ZEB2: variants seen among roughly 807,000 people sequenced by gnomAD.
The protein encoded by ZEB2 is zinc finger E-box binding homeobox 2, also known as zinc finger E-box-binding homeobox 2.
ZEB2 carries 6 observed loss-of-function variants against 99.9 expected under a neutral mutation model. That is an observed-to-expected ratio of 0.06 (90% CI 0.03 to 0.12). The LOEUF (loss-of-function observed/expected upper bound fraction) is 0.12, where lower values mean the gene tolerates loss of function less well. Ranked by LOEUF, ZEB2 falls within the 10% of genes least tolerant of loss-of-function variation. The pLI is 1.00. For missense variants in ZEB2, 969 were observed against 1,502.8 expected (o/e 0.64, Z 5.87); for synonymous variants, 517 against 542.5 (o/e 0.95, Z 0.65).
chr2:144,419,595 CAT>C (rs1170850947), intron 4 of ZEB2, among the ~76,000 whole-genome samples: 1 of 152,200 alleles, frequency 6.6e-6, no homozygotes, highest in Admixed American at 6.5e-5. Context: ...TAGGCAAACT[CAT>C]GTGTATAATG....
At chr2:144,512,398 T>C (rs1705055856) in intron 2 of ZEB2, 1 of 1,287,246 alleles carries the variant, frequency 7.8e-7, no homozygotes, top group Non-Finnish European at 1.0e-6. Flanking sequence ...CCTCCTTTCC[T>C]ACCTTCAGGG....
intron 2 of ZEB2, among the ~76,000 whole-genome samples, chr2:144,517,025 G>A (rs1217782500): frequency 6.7e-6 from 1 of 149,392 alleles, no homozygotes; most frequent in South Asian, 2.1e-4. Context: ...CTGGGGGCGC[G>A]GGGCCCCGGC....
Position 144,399,552 on chromosome 2 carries a change from A to G in ZEB2, c.1635T>C (p.Thr545=). ...EAKACLQSLT[T]DSRRQISNIK... is the part of the protein sequence containing the mutation. ...TATTACTGATCTGTCTCCTTGAGTC[A>G]GTAGTCAAGCTCTGGAGGCAAGCTT... is the stretch of plus-strand genomic sequence containing the variant. The change falls in exon 8 of 10, where the codon ACT becomes ACC. Residue 545 remains threonine (T), a synonymous_variant. Transcript: ENST00000627532. The surrounding 1 kb of genome is among the most constrained non-coding windows in gnomAD (Gnocchi z 5.6). 6.2e-7 allele frequency: 1 copy of G among 1,614,200 alleles called. No homozygotes were observed. Among genetic ancestry groups the G allele is most frequent in the Non-Finnish European group, 8.5e-7 (1 of 1,180,024 alleles).
chr2:144,474,605 C>T (rs991564293), intron 2 of ZEB2, among the ~76,000 whole-genome samples: 6 of 152,114 alleles, frequency 3.9e-5, no homozygotes, highest in African/African-American at 7.2e-5. Context: ...ACTTAATTCA[C>T]GGGTCTTAAA....
chr2:144,399,295 T>C lies in ZEB2; in HGVS notation c.1892A>G (p.Asn631Ser), dbSNP rs771291597. The C allele has an allele frequency of 1.9e-6, 3 of 1,613,994 alleles. No individual in the cohort carries two copies. The highest frequency in any genetic ancestry group is 1.1e-5 in the South Asian group (1 of 91,088). Residue 631 changes from asparagine (N) to serine (S), a missense_variant, in exon 8 of 10, where the codon AAT (asparagine) becomes AGT (serine). Physicochemically the swap from Asn to Ser is conservative, Grantham distance 46. Around this residue, in one of 8 missense-constraint regions of ZEB2, gnomAD observed 346 missense variants for 460.0 expected, o/e 0.75. Transcript: ENST00000627532. The surrounding 1 kb of genome is among the most constrained non-coding windows in gnomAD (Gnocchi z 5.6). ...VPNKAGVFVD[N>S]KALLLSSVLS... ...TACAGATGACAAGAGGAGGGCTTTATTATCAACAAAAACTCCGGCTTTGTT... is the reference window on the plus strand; with the variant it reads ...TACAGATGACAAGAGGAGGGCTTTACTATCAACAAAAACTCCGGCTTTGTT...
At chr2:144,436,891 C>T (rs1421576706) in intron 2 of ZEB2, among the ~76,000 whole-genome samples, 4 of 152,118 alleles carry the variant, frequency 2.6e-5, no homozygotes, top group South Asian at 2.1e-4. Flanking sequence ...CAAGAAGACA[C>T]GGTATTTCTA....
At chr2:144,512,559 C>T in intron 2 of ZEB2, 3 of 1,287,176 alleles carry the variant, frequency 2.3e-6, no homozygotes, top group Non-Finnish European at 3.0e-6. Context: ...CTTGGTTTTA[C>T]CCTATTTGAA....
intron 2 of ZEB2, among the ~76,000 whole-genome samples, chr2:144,475,602 T>A (rs1704419280): frequency 2.0e-5 from 3 of 152,178 alleles, no homozygotes; most frequent in Admixed American, 2.0e-4. Context: ...ACTTTTCTCA[T>A]AGAAGTATTT....
At chr2:144,449,868 T>G (rs1435094908) in intron 2 of ZEB2, 1 of 152,226 alleles carries the variant, frequency 6.6e-6, no homozygotes, top group Non-Finnish European at 1.5e-5. Flanking sequence ...CTTAGTACAG[T>G]ATAGGACTCA....
intron 2 of ZEB2, among the ~76,000 whole-genome samples, chr2:144,507,065 A>C (rs927263096): frequency 1.3e-5 from 2 of 152,256 alleles, no homozygotes; most frequent in Admixed American, 1.3e-4. Flanking sequence ...ACCTTCATAT[A>C]TTTGTGATAT....
At chr2:144,431,831 AG>A (rs1193744409) in intron 2 of ZEB2, among the ~76,000 whole-genome samples, 4 of 136,292 alleles carry the variant, frequency 2.9e-5, no homozygotes, top group South Asian at 2.8e-4. Context: ...TGCTGGGGGT[AG>A]GGGGGAGTGG....
intron 2 of ZEB2, among the ~76,000 whole-genome samples, chr2:144,469,936 C>A (rs1215278185): frequency 6.6e-6 from 1 of 152,164 alleles, no homozygotes; most frequent in African/African-American, 2.4e-5. Context: ...GATCCACAAA[C>A]AACTTCACGC....
At chr2:144,405,674 G>A (rs923536420) in intron 4 of ZEB2, among the ~76,000 whole-genome samples, 2 of 151,090 alleles carry the variant, frequency 1.3e-5, no homozygotes, top group African/African-American at 2.4e-5. Context: ...CTTTAGTTCC[G>A]TATTTTAAAG....
Position 144,385,864 on chromosome 2 carries a change from C to T in ZEB2, c.*3587G>A, listed in dbSNP as rs1703075716. ...ATCTGATTGTGAAAAGTATCTAATA[C>T]ATTTATTCATATTTATTCAAATATA... On this transcript the variant is annotated 3_prime_UTR_variant, in exon 10 of 10. Coordinates refer to ENST00000627532, the MANE Select transcript of ZEB2 (RefSeq NM_014795.4). 1 of 152,126 alleles carries T rather than the reference C, an allele frequency of 6.6e-6. No individual in the cohort carries two copies. The highest frequency in any genetic ancestry group is 1.5e-5 in the Non-Finnish European group (1 of 67,996). 9.4% of individuals were successfully genotyped at this position (152,126 alleles called of 1,614,324 possible).
intron 2 of ZEB2, 30 bp downstream of exon 2, chr2:144,517,248 C>A: frequency 6.2e-7 from 1 of 1,613,024 alleles, no homozygotes; most frequent in Non-Finnish European, 8.5e-7. Context: ...CGTAGTGGCC[C>A]GGAAAAGTTT....
intron 4 of ZEB2, among the ~76,000 whole-genome samples, chr2:144,423,368 G>C (rs1006043580): frequency 6.6e-6 from 1 of 152,156 alleles, no homozygotes; most frequent in Middle Eastern, 3.2e-3. Context: ...ATTATAGAAA[G>C]TATCTAATTC....
rs77320362 is a variant in ZEB2, at chr2:144,408,265, T to C, written c.404-3241A>G. On this transcript the variant is annotated intron_variant, in intron 4 of 9. Coordinates refer to ENST00000627532, the MANE Select transcript of ZEB2 (RefSeq NM_014795.4). The stretch of plus-strand genomic sequence containing the variant: ...TATGGGATGAATGTGGAATAAATTA[T>C]GTCCTTAACACTAATCTTGGTGTAG... Among the ~76,000 whole-genome samples, 1,282 of 152,318 alleles carry C rather than the reference T, an allele frequency of 8.4e-3. 19 individuals carry two copies. The highest frequency in any genetic ancestry group is 0.029 in the African/African-American group (1,191 of 41,564).
In ZEB2 at chr2:144,517,188, G is replaced by A; in HGVS notation, c.73+90C>T. On this transcript the variant is annotated intron_variant, in intron 2 of 9. Coordinates refer to ENST00000627532, the MANE Select transcript of ZEB2 (RefSeq NM_014795.4). ...AGCCCTGGGCGCCGCCGCCGCCGCC[G>A]CCTCGGTTCCTTTTCCCTTTCCCCC... is the stretch of plus-strand genomic sequence containing the variant. 3 of 1,564,548 alleles carry A rather than the reference G, an allele frequency of 1.9e-6. No homozygotes were observed. The Admixed American group carries it at 5.0e-5, about 26-fold the overall frequency.
chr2:144,429,715 A>G, intron 3 of ZEB2, 54 bp downstream of exon 3: 1 of 1,613,026 alleles, frequency 6.2e-7, no homozygotes, highest in South Asian at 1.1e-5. Flanking sequence ...GGAACAGATT[A>G]GTTGAAGATG....
Sources: gnomAD v4.1 joint callset for allele counts (sites outside exome capture counted in the v4.1 genomes callset) on GRCh38, gnomAD v4.1.1 for gene constraint, gnomAD v4.1.1 regional missense constraint, Gnocchi (gnomAD v3.1) non-coding constraint, MANE v1.5 for transcripts, NCBI Gene and HGNC (gene_info 2026-07-23, HGNC 2026-07-21) for gene names.